The following ITGA5 variants were observed in gnomAD, a reference collection of about 807,000 sequenced individuals.
The protein encoded by ITGA5 is integrin subunit alpha 5, also known as integrin alpha-5.
In ITGA5, 55 loss-of-function variants were observed where a neutral mutation model predicts 146.3. The ratio of observed to expected loss-of-function variants is 0.38; its 90% CI spans 0.30 to 0.47. ITGA5 has a LOEUF of 0.47. Ranked by LOEUF, ITGA5 falls within the 20% of genes least tolerant of loss-of-function variation. ITGA5 has a pLI of 0.99. For synonymous variants in ITGA5, 500 were observed against 531.8 expected, an observed-to-expected ratio of 0.94 and a Z score of 0.82; for missense variants, 1,131 against 1,329.0, an observed-to-expected ratio of 0.85 and a Z score of 2.32.
intron 27 of ITGA5, 136 bp downstream of exon 27, chr12:54,399,509 C>A (rs923804786): frequency 3.0e-6 from 2 of 671,418 alleles, no homozygotes; most frequent in Non-Finnish European, 5.4e-6. Flanking sequence ...CTGGTCTAGA[C>A]AAGGGCAAGG....
chr12:54,403,988 A>G lies in ITGA5; in HGVS notation c.1566-22T>C. On this transcript the variant is annotated intron_variant, in intron 15 of 29. Coordinates refer to ENST00000293379, the MANE Select transcript of ITGA5 (RefSeq NM_002205.5). This position sits in a 1 kb window ranked among gnomAD's most constrained non-coding sequence, Gnocchi z 4.9. ...GATGCTGGAGAGAGACCAAGAAGAA[A>G]GCTGGTGAATCCAACTGGAACAGAC... 1 of 1,613,730 alleles carries G rather than the reference A, an allele frequency of 6.2e-7. No individual in the cohort carries two copies. Among genetic ancestry groups the G allele is most frequent in the Non-Finnish European group, 8.5e-7 (1 of 1,179,650 alleles).
intron 9 of ITGA5, among the ~76,000 whole-genome samples, chr12:54,406,666 T>C (rs1417668682): frequency 1.3e-5 from 2 of 152,246 alleles, no homozygotes; most frequent in Non-Finnish European, 2.9e-5. Flanking sequence ...AATCAGCTCA[T>C]GAGTCTGCTA....
At chr12:54,399,550 C>T in intron 27 of ITGA5, 95 bp downstream of exon 27, 1 of 873,600 alleles carries the variant, frequency 1.1e-6, no homozygotes, top group Middle Eastern at 3.1e-4. Flanking sequence ...GTCCCATTCA[C>T]CAAAGGAGAG....
At chr12:54,414,833 G>A (rs986983274) in intron 1 of ITGA5, among the ~76,000 whole-genome samples, 12 of 147,096 alleles carry the variant, frequency 8.2e-5, no homozygotes, top group Admixed American at 3.4e-4. Context: ...GAGACAGAGC[G>A]AGACTCCTTC....
At chr12:54,414,878 G>A (rs1955987489) in intron 1 of ITGA5, among the ~76,000 whole-genome samples, 1 of 151,914 alleles carries the variant, frequency 6.6e-6, no homozygotes, top group Non-Finnish European at 1.5e-5. Flanking sequence ...GCCAGGCGTG[G>A]TGGCTCACGC....
intron 25 of ITGA5, chr12:54,400,330 C>A: frequency 4.4e-6 from 1 of 226,408 alleles, no homozygotes; most frequent in South Asian, 7.2e-5. Flanking sequence ...AGTGTCCCTA[C>A]AGCTTATTAA....
In ITGA5 at chr12:54,404,738, C is replaced by T. The variant is rs376218631; in HGVS notation, c.1382G>A (p.Arg461Gln). 436 of 1,614,128 alleles carry T rather than the reference C, an allele frequency of 2.7e-4. 1 individual carries two copies. Among genetic ancestry groups the T allele is most frequent in the Admixed American group, 6.7e-4 (40 of 60,026 alleles). Residue 461 changes from arginine (R) to glutamine (Q), a missense_variant, in exon 13 of 30, where the codon CGA becomes CAA. Coordinates refer to ENST00000293379, the MANE Select transcript of ITGA5 (RefSeq NM_002205.5). The stretch of plus-strand genomic sequence containing the variant: ...ATTGCCATCCAGGTCTCGGCCTCCT[C>T]GAAGGGCAGAGCCAAAGAAGTCTGG... ...HTPDFFGSALRGGRDLDGNGY... is the reference protein window; with the variant it reads ...HTPDFFGSALQGGRDLDGNGY...
intron 9 of ITGA5, among the ~76,000 whole-genome samples, chr12:54,406,416 C>T (rs541091104): frequency 1.3e-5 from 2 of 152,326 alleles, no homozygotes; most frequent in South Asian, 2.1e-4. Flanking sequence ...ACTGGCCCCA[C>T]CAGGCCTCTT....
Position 54,403,539 on chromosome 12 carries a change from C to G in ITGA5, c.1776+86G>C. ...AGTCCCAAGCCCTTCACTGGAGTCC[C>G]CCAGTCTTTTTCCCTTCAGGAGGTG... On this transcript the variant is annotated intron_variant, in intron 17 of 29. Transcript: ENST00000293379. This position sits in a 1 kb window ranked among gnomAD's most constrained non-coding sequence, Gnocchi z 4.9. The G allele has an allele frequency of 6.9e-7, 1 of 1,455,912 alleles. No individual in the cohort carries two copies. The highest frequency in any genetic ancestry group is 9.3e-7 in the Non-Finnish European group (1 of 1,073,444). 90.2% of individuals were successfully genotyped at this position (1,455,912 alleles called of 1,614,324 possible).
chr12:54,416,032 C>A lies in ITGA5; in HGVS notation c.218+2949G>T, dbSNP rs1456211264. On this transcript the variant is annotated intron_variant, in intron 1 of 29. Transcript: ENST00000293379. This position sits in a 1 kb window ranked among gnomAD's most constrained non-coding sequence, Gnocchi z 4.1. ...CTTCTGGTTCAAAATTTCTATGACT[C>A]CTGAAGCCTCAGTTGTTTTTATTTT... is the stretch of plus-strand genomic sequence containing the variant. 1.3e-5 allele frequency among the ~76,000 whole-genome samples: 2 copies of A among 152,110 alleles called. No individual in the cohort carries two copies. The highest frequency in any genetic ancestry group is 1.9e-4 in the East Asian group (1 of 5,198).
In ITGA5 at chr12:54,419,077, C is replaced by A. The variant is rs1361619039; in HGVS notation, c.122G>T (p.Gly41Val). 2.5e-6 allele frequency: 4 copies of A among 1,583,538 alleles called. No individual in the cohort carries two copies. The highest frequency in any genetic ancestry group is 1.9e-5 in the Admixed American group (1 of 53,510). ...TGGGGCCTCCGCGTCTAAGTTGAAGCCCCCGACCCTGGGTGGCGGCGGCAG... is the reference window on the plus strand; with the variant it reads ...TGGGGCCTCCGCGTCTAAGTTGAAGACCCCGACCCTGGGTGGCGGCGGCAG... Reference protein sequence around the residue: ...LLLPPPPRVGGFNLDAEAPAV... With the variant: ...LLLPPPPRVGVFNLDAEAPAV... Residue 41 changes from glycine (G) to valine (V), a missense_variant, in exon 1 of 30, where the codon GGC becomes GTC. Coordinates refer to ENST00000293379, the MANE Select transcript of ITGA5 (RefSeq NM_002205.5).
In ITGA5 at chr12:54,403,609, G is replaced by GC. The variant is rs557947295; in HGVS notation, c.1776+15dup. ...ACCCTCCCTGGCCAGTCCACACCCC[G>GC]CCCTCTGGGCCATACCCTGAGGTAG... is the stretch of plus-strand genomic sequence containing the variant. On this transcript the variant is annotated intron_variant, in intron 17 of 29. Transcript: ENST00000293379. The surrounding 1 kb of genome is among the most constrained non-coding windows in gnomAD (Gnocchi z 4.9). 4.0e-4 allele frequency: 646 copies of GC among 1,608,858 alleles called. 7 individuals carry two copies. The South Asian group carries it at 6.5e-3, about 16-fold the overall frequency.
intron 9 of ITGA5, among the ~76,000 whole-genome samples, chr12:54,407,133 T>A (rs1472313750): frequency 6.6e-6 from 1 of 152,240 alleles, no homozygotes; most frequent in Non-Finnish European, 1.5e-5. Flanking sequence ...GAATAGTTGC[T>A]CCACTTTAGA....
Position 54,401,030 on chromosome 12 carries a change from A to T in ITGA5, c.2494-35T>A. On this transcript the variant is annotated intron_variant, in intron 24 of 29. Transcript: ENST00000293379. This position sits in a 1 kb window ranked among gnomAD's most constrained non-coding sequence, Gnocchi z 5.0. ...GAAGAGCACAATCATCATGAGAAGG[A>T]AGGGAATGCTTCTGCCCCATTGAGA... 4 of 1,605,258 alleles carry T rather than the reference A, an allele frequency of 2.5e-6. No homozygotes were observed. The highest frequency in any genetic ancestry group is 3.4e-5 in the Admixed American group (2 of 58,964).
intron 27 of ITGA5, 68 bp from the exon 28 acceptor site, chr12:54,398,766 G>A (rs1248793934): frequency 1.5e-5 from 15 of 1,008,520 alleles, no homozygotes; most frequent in Admixed American, 1.2e-4. Context: ...GTTCCCCATC[G>A]TCTGGCTGGG....
intron 1 of ITGA5, among the ~76,000 whole-genome samples, chr12:54,413,879 A>G (rs1486276340): frequency 6.6e-6 from 1 of 152,230 alleles, no homozygotes; most frequent in Non-Finnish European, 1.5e-5. Flanking sequence ...TTCCTGGAGC[A>G]CAGGGCTAAG....
rs780296190 is a variant in ITGA5, at chr12:54,419,175, G to A, written c.24C>T (p.Ser8=). 7 of 1,572,454 alleles carry A rather than the reference G, an allele frequency of 4.5e-6. No homozygotes were observed. Among genetic ancestry groups the A allele is most frequent in the African/African-American group, 4.1e-5 (3 of 73,800 alleles). The change falls in exon 1 of 30, where the codon TCC becomes TCT. Residue 8 remains serine, a synonymous_variant. Coordinates refer to ENST00000293379, the MANE Select transcript of ITGA5 (RefSeq NM_002205.5). Reference sequence around the variant, plus strand: ...AGCGCAGCTGCACGGCGTGGAGAGGGGACTCTGGCGTCCGGCTCCCCATAG... The same window carrying A: ...AGCGCAGCTGCACGGCGTGGAGAGGAGACTCTGGCGTCCGGCTCCCCATAG... MGSRTPE[S]PLHAVQLRWG...
chr12:54,419,141 G>A lies in ITGA5; in HGVS notation c.58C>T (p.Arg20Trp), dbSNP rs759400458. 6.3e-7 allele frequency: 1 copy of A among 1,582,564 alleles called. No homozygotes were observed. Among genetic ancestry groups the A allele is most frequent in the Admixed American group, 1.9e-5 (1 of 53,148 alleles). The part of the protein sequence containing the change: ...LHAVQLRWGP[R>W]RRPPLLPLLL... Reference sequence around the variant, plus strand: ...AGCGGCAGCAGCGGGGGTCGGCGCCGGGGGCCCCAGCGCAGCTGCACGGCG... The same window carrying A: ...AGCGGCAGCAGCGGGGGTCGGCGCCAGGGGCCCCAGCGCAGCTGCACGGCG... Residue 20 changes from arginine (R) to tryptophan (W), a missense_variant, in exon 1 of 30, where the codon CGG becomes TGG. By Grantham distance (101) the Arg-to-Trp change is moderately radical. Around this residue, in one of 3 missense-constraint regions of ITGA5, gnomAD observed 175 missense variants for 179.3 expected, o/e 0.98. Transcript: ENST00000293379.
Position 54,402,010 on chromosome 12 carries a change from T to A in ITGA5, c.2217A>T (p.Ala739=). The change falls in exon 21 of 30, where the codon GCA becomes GCT. Residue 739 remains alanine, a synonymous_variant. Transcript: ENST00000293379. ...LVCDLGNPMK[A]GASLWGGLRF... Reference sequence around the variant, plus strand: ...TTCATCCCAAACTTACACTGGCTCCTGCCTTCATGGGGTTGCCCAGGTCAC... The same window carrying A: ...TTCATCCCAAACTTACACTGGCTCCAGCCTTCATGGGGTTGCCCAGGTCAC... The A allele has an allele frequency of 6.2e-7, 1 of 1,614,164 alleles. No individual in the cohort carries two copies. The highest frequency in any genetic ancestry group is 8.5e-7 in the Non-Finnish European group (1 of 1,180,010).
Sources: gnomAD v4.1 joint callset for allele counts (sites outside exome capture counted in the v4.1 genomes callset) on GRCh38, gnomAD v4.1.1 for gene constraint, gnomAD v4.1.1 regional missense constraint, Gnocchi (gnomAD v3.1) non-coding constraint, MANE v1.5 for transcripts, NCBI Gene and HGNC (gene_info 2026-07-23, HGNC 2026-07-21) for gene names.